Variants in CAMTA1 observed in about 807,000 individuals in gnomAD.
The protein encoded by CAMTA1 is calmodulin binding transcription activator 1.
CAMTA1 carries 27 observed loss-of-function variants against 170.9 expected under a neutral mutation model. That is an observed-to-expected ratio of 0.16 (90% CI 0.12 to 0.22). The LOEUF is 0.22. CAMTA1 is among the 10% of genes least tolerant of loss of function. CAMTA1 has a pLI of 1.00. For missense variants in CAMTA1, 1,619 were observed against 2,217.2 expected, an observed-to-expected ratio of 0.73 and a Z score of 5.42; for synonymous variants, 833 against 891.5, an observed-to-expected ratio of 0.93 and a Z score of 1.17.
intron 1 of CAMTA1, among the ~76,000 whole-genome samples, chr1:6,806,811 G>A (rs760843661): frequency 7.2e-5 from 11 of 152,308 alleles, no homozygotes; most frequent in Middle Eastern, 3.4e-3. Flanking sequence ...GTTAGGACAT[G>A]TTACAATAAA....
rs1372260654 is a variant in CAMTA1, at chr1:7,585,309, A to C, written c.511-55091A>C. ...GGTTGCGGATAGAGTAGCCAAGAAG[A>C]GGCCTCTGCGGAGGGGCACCTGGCA... On this transcript the variant is annotated intron_variant, in intron 6 of 22. Coordinates refer to ENST00000303635, the MANE Select transcript of CAMTA1 (RefSeq NM_015215.4). This position sits in a 1 kb window ranked among gnomAD's most constrained non-coding sequence, Gnocchi z 4.8. 2.0e-5 allele frequency among the ~76,000 whole-genome samples: 3 copies of C among 152,196 alleles called. No homozygotes were observed. The highest frequency in any genetic ancestry group is 4.4e-5 in the Non-Finnish European group (3 of 68,038).
intron 3 of CAMTA1, among the ~76,000 whole-genome samples, chr1:6,967,914 G>T (rs563984779): frequency 6.6e-6 from 1 of 152,180 alleles, no homozygotes; most frequent in Non-Finnish European, 1.5e-5. Context: ...TAATTATGCT[G>T]CTATGTAAAT....
chr1:7,230,653 T>A (rs1662608888), intron 4 of CAMTA1, among the ~76,000 whole-genome samples: 1 of 152,110 alleles, frequency 6.6e-6, no homozygotes, highest in African/African-American at 2.4e-5. Context: ...TGGAGGGTTA[T>A]CCCTCAGGCT....
intron 3 of CAMTA1, among the ~76,000 whole-genome samples, chr1:7,012,269 G>A (rs75110660): frequency 0.052 from 7,923 of 151,938 alleles, 207 homozygotes; most frequent in African/African-American, 0.078. Context: ...CACTCCTCCC[G>A]CCCTCTCTCT....
At chr1:7,334,593 T>C (rs2083235903) in intron 5 of CAMTA1, among the ~76,000 whole-genome samples, 1 of 152,194 alleles carries the variant, frequency 6.6e-6, no homozygotes, top group Admixed American at 6.5e-5. Flanking sequence ...GCCAGTGTTT[T>C]CATCTCCCCC....
intron 4 of CAMTA1, among the ~76,000 whole-genome samples, chr1:7,095,671 A>G (rs1641995502): frequency 2.0e-5 from 3 of 152,236 alleles, no homozygotes; most frequent in Admixed American, 2.0e-4. Context: ...TAGGAGAACC[A>G]GGCTCCAGGC....
intron 4 of CAMTA1, among the ~76,000 whole-genome samples, chr1:7,105,879 T>C (rs1347622937): frequency 6.6e-6 from 1 of 151,204 alleles, no homozygotes; most frequent in Non-Finnish European, 1.5e-5. Flanking sequence ...AGGTTAAGGC[T>C]GCAGTGAGCC....
At chr1:7,702,519 C>T (rs991572612) in intron 11 of CAMTA1, among the ~76,000 whole-genome samples, 4 of 152,182 alleles carry the variant, frequency 2.6e-5, no homozygotes, top group Non-Finnish European at 5.9e-5. Context: ...TCCACCCCTG[C>T]TGGTCTCTTG....
intron 3 of CAMTA1, among the ~76,000 whole-genome samples, chr1:7,075,623 T>C (rs1639193559): frequency 6.6e-6 from 1 of 151,516 alleles, no homozygotes; most frequent in South Asian, 2.1e-4. Context: ...TTGACCTGGC[T>C]CTTCTTTGAC....
chr1:7,212,261 T>A (rs1376289329), intron 4 of CAMTA1, among the ~76,000 whole-genome samples: 1 of 152,180 alleles, frequency 6.6e-6, no homozygotes, highest in East Asian at 1.9e-4. Flanking sequence ...TATTTTATGG[T>A]CTCTCCCCAT....
chr1:6,996,534 C>T (rs1395268095), intron 3 of CAMTA1, among the ~76,000 whole-genome samples: 1 of 152,160 alleles, frequency 6.6e-6, no homozygotes, highest in African/African-American at 2.4e-5. Context: ...TGGCTCTTTC[C>T]TTTTAGGGAG....
rs907539179 is a variant in CAMTA1, at chr1:7,387,845, A to G, written c.439-79985A>G. On this transcript the variant is annotated intron_variant, in intron 5 of 22. Coordinates refer to ENST00000303635, the MANE Select transcript of CAMTA1 (RefSeq NM_015215.4). ...CTGTCTTCTTGCCACATTGTCTGCA[A>G]CACAATTGATCTTTGCTTTGATTGC... is the stretch of plus-strand genomic sequence containing the variant. 8.5e-5 allele frequency among the ~76,000 whole-genome samples: 13 copies of G among 152,328 alleles called. No individual in the cohort carries two copies. In the East Asian group the frequency reaches 2.3e-3, roughly 27 times the overall value.
intron 3 of CAMTA1, among the ~76,000 whole-genome samples, chr1:6,878,888 G>A (rs1387218671): frequency 1.3e-5 from 2 of 152,158 alleles, no homozygotes; most frequent in Admixed American, 1.3e-4. Flanking sequence ...GCTGTGCAAC[G>A]GGATTACATA....
chr1:7,285,468 G>A (rs1672223801), intron 5 of CAMTA1, among the ~76,000 whole-genome samples: 3 of 152,122 alleles, frequency 2.0e-5, no homozygotes, highest in South Asian at 4.2e-4. Flanking sequence ...TTGGGCCTAC[G>A]GATGATCAGT....
intron 3 of CAMTA1, among the ~76,000 whole-genome samples, chr1:6,937,716 C>T (rs1222337546): frequency 1.3e-5 from 2 of 149,152 alleles, no homozygotes; most frequent in Non-Finnish European, 3.0e-5. Context: ...CCACCACCAT[C>T]ACCATCACCA....
In CAMTA1 at chr1:7,664,486, G is replaced by T. The variant is rs759667502; in HGVS notation, c.1939G>T (p.Val647Leu). 6.2e-7 allele frequency: 1 copy of T among 1,613,320 alleles called. No homozygotes were observed. Among genetic ancestry groups the T allele is most frequent in the South Asian group, 1.1e-5 (1 of 91,084 alleles). The change falls in exon 9 of 23, where the codon GTG (valine) becomes TTG (leucine). Residue 647 changes from valine to leucine, a missense_variant. Physicochemically the swap from Val to Leu is conservative, Grantham distance 32 (BLOSUM62 1). Around this residue, in one of 8 missense-constraint regions of CAMTA1, gnomAD observed 731 missense variants for 907.6 expected, o/e 0.81. Coordinates refer to ENST00000303635, the MANE Select transcript of CAMTA1 (RefSeq NM_015215.4). The stretch of plus-strand genomic sequence containing the variant: ...TGGGGGCACCTTCGTGATGCCCACG[G>T]TGAAAACGGAGGCCTCGTCCCAAAC... ...DSGGTFVMPT[V>L]KTEASSQTSS...
intron 6 of CAMTA1, among the ~76,000 whole-genome samples, chr1:7,621,439 C>A (rs1280356637): frequency 6.6e-6 from 1 of 152,236 alleles, no homozygotes; most frequent in Non-Finnish European, 1.5e-5. Context: ...CTAAGCCAGG[C>A]GCCAACTGGA....
Position 7,010,803 on chromosome 1 carries a change from C to A in CAMTA1, c.235-80501C>A, listed in dbSNP as rs1051164075. 7.2e-5 allele frequency among the ~76,000 whole-genome samples: 11 copies of A among 152,184 alleles called. No individual in the cohort carries two copies. The highest frequency in any genetic ancestry group is 1.5e-4 in the Non-Finnish European group (10 of 68,042). ...TAACAGTTTCTTGTACTCAGCTTCCCCATCACCTTCCTTCCATTTCAGCAG... is the reference window on the plus strand; with the variant it reads ...TAACAGTTTCTTGTACTCAGCTTCCACATCACCTTCCTTCCATTTCAGCAG... On this transcript the variant is annotated intron_variant, in intron 3 of 22. Coordinates refer to ENST00000303635, the MANE Select transcript of CAMTA1 (RefSeq NM_015215.4). This position sits in a 1 kb window ranked among gnomAD's most constrained non-coding sequence, Gnocchi z 4.4.
At chr1:7,118,071 A>G (rs9434846) in intron 4 of CAMTA1, among the ~76,000 whole-genome samples, 47,485 of 151,948 alleles carry the variant, frequency 0.31, 7,907 homozygotes, top group South Asian at 0.4. Context: ...AGGCTGACTC[A>G]TGTGGGCGGT....
Sources: allele counts gnomAD v4.1 joint callset (sites outside exome capture counted in the v4.1 genomes callset), GRCh38; gene constraint gnomAD v4.1.1; regional missense constraint gnomAD v4.1.1; non-coding constraint Gnocchi (gnomAD v3.1); transcripts MANE v1.5; gene names NCBI Gene and HGNC (gene_info 2026-07-23, HGNC 2026-07-21).